NPFFR1: variants seen among roughly 807,000 people sequenced by gnomAD.
The protein encoded by NPFFR1 is neuropeptide FF receptor 1.
A neutral mutation model predicts 12.7 loss-of-function variants in NPFFR1; 17 were observed. The ratio of observed to expected loss-of-function variants is 1.34; its 90% CI spans 0.92 to 2.01. The LOEUF is 2.01. Ranked by LOEUF, NPFFR1 falls within the 30% of genes most tolerant of loss-of-function variation. NPFFR1 has a pLI of 0.00. For missense variants in NPFFR1, 604 were observed against 606.5 expected (o/e 1.00, Z 0.04); for synonymous variants, 296 against 264.5 (o/e 1.12, Z -1.16).
chr10:70,253,450 C>A lies in NPFFR1; in HGVS notation c.*1507G>T, dbSNP rs959764922. The A allele has an allele frequency of 3.3e-5, 5 of 152,172 alleles. No individual in the cohort carries two copies. The highest frequency in any genetic ancestry group is 7.3e-5 in the Non-Finnish European group (5 of 68,040). 9.4% of individuals were successfully genotyped at this position (152,172 alleles called of 1,614,324 possible). A position where few individuals can be genotyped will look rare whatever the true frequency, so the allele number is the denominator to read the frequency against. On this transcript the variant is annotated 3_prime_UTR_variant, in exon 4 of 4. Transcript: ENST00000277942. The stretch of plus-strand genomic sequence containing the variant: ...CCCCTCTGTGGCCCTGGAAACTTGG[C>A]CCCTTTGAGCTTCAGTCACTTTGTG...
intron 1 of NPFFR1, among the ~76,000 whole-genome samples, chr10:70,277,371 A>C (rs1840814880): frequency 6.6e-6 from 1 of 152,210 alleles, no homozygotes; most frequent in African/African-American, 2.4e-5. Context: ...CATCTATTAA[A>C]TGGGGGTCTT....
intron 1 of NPFFR1, among the ~76,000 whole-genome samples, chr10:70,280,469 T>C (rs907144534): frequency 6.6e-6 from 1 of 152,236 alleles, no homozygotes; most frequent in Non-Finnish European, 1.5e-5. Flanking sequence ...ACTTGCATTT[T>C]CCTAATCATC....
intron 2 of NPFFR1, 58 bp from the exon 3 acceptor site, chr10:70,260,797 C>T: frequency 6.9e-7 from 1 of 1,447,662 alleles, no homozygotes; most frequent in Middle Eastern, 1.7e-4. Flanking sequence ...GAGCCAGAGA[C>T]TGAAAGCCCT....
chr10:70,278,895 T>G (rs1393564224), intron 1 of NPFFR1, among the ~76,000 whole-genome samples: 1 of 152,242 alleles, frequency 6.6e-6, no homozygotes, highest in African/African-American at 2.4e-5. Context: ...CAGTTGTGTC[T>G]TATGAACAGT....
chr10:70,277,746 TGGGCTGGGGTG>T (rs902114977), intron 1 of NPFFR1, among the ~76,000 whole-genome samples: 12 of 151,712 alleles, frequency 7.9e-5, no homozygotes, highest in Non-Finnish European at 1.5e-4. Flanking sequence ...AGGCTGGGGT[TGGGCTGGGGTG>T]GGGCTGGGGT....
chr10:70,283,132 T>TG (rs1554833975), intron 1 of NPFFR1, among the ~76,000 whole-genome samples: 249 of 149,660 alleles, frequency 1.7e-3, no homozygotes, highest in East Asian at 0.014. Context: ...CTCTCTCTTT[T>TG]TGTGTGTGTG....
At chr10:70,257,051 G>A (rs1190709055) in intron 3 of NPFFR1, among the ~76,000 whole-genome samples, 1 of 152,174 alleles carries the variant, frequency 6.6e-6, no homozygotes, top group African/African-American at 2.4e-5. Context: ...AGGATCACTT[G>A]AACCCAGGAG....
At chr10:70,279,452 C>T (rs981793400) in intron 1 of NPFFR1, among the ~76,000 whole-genome samples, 1 of 151,122 alleles carries the variant, frequency 6.6e-6, no homozygotes, top group Non-Finnish European at 1.5e-5. Flanking sequence ...CAAACTCAAT[C>T]TTTATTTATT....
chr10:70,265,596 A>T (rs1840681952), intron 2 of NPFFR1, among the ~76,000 whole-genome samples: 2 of 152,192 alleles, frequency 1.3e-5, no homozygotes, highest in South Asian at 4.1e-4. Flanking sequence ...GATTCAGAGG[A>T]AACCTGCCTC....
Position 70,254,953 on chromosome 10 carries a change from C to T in NPFFR1, c.*4G>A. The T allele has an allele frequency of 7.0e-7, 1 of 1,424,032 alleles. No homozygotes were observed. Among genetic ancestry groups the T allele is most frequent in the Non-Finnish European group, 9.1e-7 (1 of 1,095,736 alleles). 88.2% of individuals were successfully genotyped at this position (1,424,032 alleles called of 1,614,324 possible). A position where few individuals can be genotyped will look rare whatever the true frequency, so the allele number is the denominator to read the frequency against. On this transcript the variant is annotated 3_prime_UTR_variant, in exon 4 of 4. Transcript: ENST00000277942. ...AGGCAGCGTCCCGCCCTCCCTGGACCCCCTCAGATATCCCAGGCTGGAATG... is the reference window on the plus strand; with the variant it reads ...AGGCAGCGTCCCGCCCTCCCTGGACTCCCTCAGATATCCCAGGCTGGAATG...
intron 1 of NPFFR1, 47 bp downstream of exon 1, chr10:70,283,623 G>A: frequency 1.3e-6 from 2 of 1,518,606 alleles, no homozygotes; most frequent in Non-Finnish European, 1.8e-6. Context: ...ATGCCCCGGA[G>A]TCGGTACCCT....
intron 3 of NPFFR1, among the ~76,000 whole-genome samples, chr10:70,256,228 G>A (rs1185498005): frequency 6.6e-6 from 1 of 152,052 alleles, no homozygotes; most frequent in African/African-American, 2.4e-5. Context: ...ACAGGAATGC[G>A]CTGCCACCTC....
intron 1 of NPFFR1, 106 bp from the exon 2 acceptor site, chr10:70,266,497 G>T: frequency 2.2e-6 from 2 of 904,170 alleles, no homozygotes; most frequent in Non-Finnish European, 3.3e-6. Flanking sequence ...CCATGCCCTG[G>T]TCCCCCAAGC....
chr10:70,276,989 C>T (rs1210233045), intron 1 of NPFFR1, among the ~76,000 whole-genome samples: 3 of 152,182 alleles, frequency 2.0e-5, no homozygotes, highest in Admixed American at 6.5e-5. Flanking sequence ...TTACATAGAC[C>T]GCCTGGCTCT....
In NPFFR1 at chr10:70,255,156, C is replaced by A. The variant is rs749188857; in HGVS notation, c.1094G>T (p.Gly365Val). The A allele has an allele frequency of 3.2e-6, 5 of 1,541,286 alleles. No individual in the cohort carries two copies. In the African/African-American group the frequency reaches 6.9e-5, roughly 21 times the overall value. The change falls in exon 4 of 4, where the codon GGC (glycine) becomes GTC (valine). Residue 365 changes from glycine (G) to valine (V), a missense_variant. By Grantham distance (109) the Gly-to-Val change is moderately radical. Coordinates refer to ENST00000277942, the MANE Select transcript of NPFFR1 (RefSeq NM_022146.5). The surrounding 1 kb of genome is among the most constrained non-coding windows in gnomAD (Gnocchi z 4.2). The stretch of plus-strand genomic sequence containing the variant: ...GAAGACCCGCCTGTGCAGAAGCCCG[C>A]CGGGCCGCTCGGAGTAGGCCTCCTT... The part of the protein sequence containing the change: ...SHKEAYSERP[G>V]GLLHRRVFVV...
chr10:70,263,392 C>T lies in NPFFR1; in HGVS notation c.323-2653G>A, dbSNP rs1040371088. Among the ~76,000 whole-genome samples, 6 of 152,158 alleles carry T rather than the reference C, an allele frequency of 3.9e-5. No individual in the cohort carries two copies. The South Asian group carries it at 6.2e-4, about 16-fold the overall frequency. ...GGTTCACGCCATTCTCCTGCCTCAC[C>T]CTCCCGAGTAGCTGGGACTACAGGC... On this transcript the variant is annotated intron_variant, in intron 2 of 3. Transcript: ENST00000277942.
chr10:70,268,122 G>T (rs1477315791), intron 1 of NPFFR1, among the ~76,000 whole-genome samples: 11 of 152,156 alleles, frequency 7.2e-5, no homozygotes, highest in African/African-American at 2.2e-4. Flanking sequence ...TACATCATCT[G>T]CTTTCAACAG....
chr10:70,281,468 C>T (rs968378496), intron 1 of NPFFR1, among the ~76,000 whole-genome samples: 7 of 152,106 alleles, frequency 4.6e-5, no homozygotes, highest in Admixed American at 1.3e-4. Context: ...TTCCACTGCC[C>T]GGCATCATCT....
In NPFFR1 at chr10:70,255,796, T is replaced by C. The variant is rs762109126; in HGVS notation, c.454A>G (p.Lys152Glu). 1 of 1,610,568 alleles carries C rather than the reference T, an allele frequency of 6.2e-7. No homozygotes were observed. Among genetic ancestry groups the C allele is most frequent in the African/African-American group, 1.3e-5 (1 of 74,946 alleles). ...FRCIVHPFREKLTLRKALVTI... is the reference protein window; with the variant it reads ...FRCIVHPFREELTLRKALVTI... ...ACGAGCGCCTTCCGCAGGGTCAGCT[T>C]CTCGCGGAAAGGGTGCACGATGCAG... Residue 152 changes from lysine (K) to glutamate (E), a missense_variant, in exon 4 of 4, where the codon AAG becomes GAG. Coordinates refer to ENST00000277942, the MANE Select transcript of NPFFR1 (RefSeq NM_022146.5). The surrounding 1 kb of genome is among the most constrained non-coding windows in gnomAD (Gnocchi z 4.2).
Sources: gnomAD v4.1 joint callset for allele counts (sites outside exome capture counted in the v4.1 genomes callset) on GRCh38, gnomAD v4.1.1 for gene constraint, Gnocchi (gnomAD v3.1) non-coding constraint, MANE v1.5 for transcripts, NCBI Gene and HGNC (gene_info 2026-07-23, HGNC 2026-07-21) for gene names.